CDKAL1: variants seen among roughly 807,000 people sequenced by gnomAD.
CDKAL1 encodes CDKAL1 threonylcarbamoyladenosine tRNA methylthiotransferase.
CDKAL1 carries 32 observed loss-of-function variants against 68.2 expected under a neutral mutation model. The observed-to-expected ratio is 0.47, with a 90% confidence interval of 0.35 to 0.63. CDKAL1 has a LOEUF of 0.63. CDKAL1 is among the 30% of genes least tolerant of loss of function. CDKAL1 has a pLI of 0.00. For synonymous variants in CDKAL1, 234 were observed against 244.3 expected, an observed-to-expected ratio of 0.96 and a Z score of 0.39; for missense variants, 606 against 696.7, an observed-to-expected ratio of 0.87 and a Z score of 1.47.
At chr6:20,718,929 C>T (rs1772217323) in intron 5 of CDKAL1, among the ~76,000 whole-genome samples, 1 of 152,132 alleles carries the variant, frequency 6.6e-6, no homozygotes, top group African/African-American at 2.4e-5. Context: ...CAAATATTTC[C>T]CATCACAATA....
At chr6:20,950,906 G>A (rs1484257973) in intron 9 of CDKAL1, among the ~76,000 whole-genome samples, 1 of 151,562 alleles carries the variant, frequency 6.6e-6, no homozygotes, top group Admixed American at 6.6e-5. Context: ...GGAGGCGGAG[G>A]TTACAGTGAG....
intron 4 of CDKAL1, among the ~76,000 whole-genome samples, chr6:20,637,285 G>A (rs906413130): frequency 6.6e-6 from 1 of 151,922 alleles, no homozygotes; most frequent in Non-Finnish European, 1.5e-5. Context: ...GAGGAAGGCC[G>A]GGCACAGTGG....
At chr6:21,071,018 TCTG>T (rs1771744633) in intron 12 of CDKAL1, among the ~76,000 whole-genome samples, 1 of 152,268 alleles carries the variant, frequency 6.6e-6, no homozygotes, top group African/African-American at 2.4e-5. Context: ...TTGTTTTTAA[TCTG>T]CTGTCAAACC....
At chr6:20,565,681 C>T (rs979709283) in intron 4 of CDKAL1, among the ~76,000 whole-genome samples, 1 of 152,072 alleles carries the variant, frequency 6.6e-6, no homozygotes, top group African/African-American at 2.4e-5. Flanking sequence ...GTTCCAGTAG[C>T]TAAAGACTAT....
intron 9 of CDKAL1, among the ~76,000 whole-genome samples, chr6:20,878,534 G>A (rs1760651258): frequency 6.6e-6 from 1 of 152,050 alleles, no homozygotes; most frequent in Admixed American, 6.5e-5. Context: ...GAGATCAGGA[G>A]TTCAAGACCA....
chr6:21,129,702 A>AT (rs1329097369), intron 13 of CDKAL1, among the ~76,000 whole-genome samples: 1 of 151,026 alleles, frequency 6.6e-6, no homozygotes, highest in Non-Finnish European at 1.5e-5. Flanking sequence ...AAAAAAAAAA[A>AT]AAAGGAAAAA....
At chr6:20,971,331 G>A (rs113358175) in intron 10 of CDKAL1, among the ~76,000 whole-genome samples, 50 of 152,280 alleles carry the variant, frequency 3.3e-4, no homozygotes, top group Non-Finnish European at 6.6e-4. Flanking sequence ...TCACTATGCC[G>A]TGTCACACCA....
chr6:21,061,271 C>A (rs1771127125), intron 11 of CDKAL1, among the ~76,000 whole-genome samples: 1 of 151,976 alleles, frequency 6.6e-6, no homozygotes, highest in Non-Finnish European at 1.5e-5. Flanking sequence ...TTAATAAGCC[C>A]ATTTTGCCAG....
intron 4 of CDKAL1, among the ~76,000 whole-genome samples, chr6:20,635,783 C>T (rs1170898387): frequency 6.6e-6 from 1 of 152,014 alleles, no homozygotes; most frequent in African/African-American, 2.4e-5. Flanking sequence ...AATCAAATTG[C>T]CAAAGACAGA....
rs114428649 is a variant in CDKAL1, at chr6:20,611,928, C to T, written c.287-37365C>T. Among the ~76,000 whole-genome samples the T allele has an allele frequency of 3.0e-3, 451 of 152,250 alleles. 4 individuals carry two copies. Among genetic ancestry groups the T allele is most frequent in the African/African-American group, 0.01 (421 of 41,544 alleles). ...CCTTGGCACATCCCCTTCCCACTTG[C>T]GATATCTATTATTCTATTCTCTACC... On this transcript the variant is annotated intron_variant, in intron 4 of 15. Coordinates refer to ENST00000274695, the MANE Select transcript of CDKAL1 (RefSeq NM_017774.3).
At position 21,087,006 on chromosome 6, in the gene CDKAL1, C is replaced by T. The variant is rs546116642; in HGVS notation, c.1237-21395C>T. Among the ~76,000 whole-genome samples, 4 of 152,280 alleles carry T rather than the reference C, an allele frequency of 2.6e-5. No homozygotes were observed. The East Asian group carries it at 7.7e-4, about 29-fold the overall frequency. On this transcript the variant is annotated intron_variant, in intron 12 of 15. Coordinates refer to ENST00000274695, the MANE Select transcript of CDKAL1 (RefSeq NM_017774.3). ...CAAACCTCTGTAGCCCAATAACTCT[C>T]TTGTTTATTAATTAGTATGATGTTC...
intron 15 of CDKAL1, among the ~76,000 whole-genome samples, chr6:21,221,097 G>A (rs1309027475): frequency 1.3e-5 from 2 of 151,988 alleles, no homozygotes; most frequent in African/African-American, 4.8e-5. Flanking sequence ...AACCCGGGAG[G>A]CGGAGGTTGC....
At chr6:21,009,066 C>T (rs1004781555) in intron 11 of CDKAL1, among the ~76,000 whole-genome samples, 2 of 152,132 alleles carry the variant, frequency 1.3e-5, no homozygotes, top group Admixed American at 1.3e-4. Flanking sequence ...AAGTGGTTTA[C>T]ATGAATTAAC....
chr6:20,748,673 A>C (rs941671586), intron 6 of CDKAL1, among the ~76,000 whole-genome samples: 1 of 150,940 alleles, frequency 6.6e-6, no homozygotes, highest in African/African-American at 2.4e-5. Flanking sequence ...GAGAGCCTAG[A>C]GATAAAGCCA....
chr6:20,972,417 A>C (rs553663755), intron 10 of CDKAL1, among the ~76,000 whole-genome samples: 2 of 152,272 alleles, frequency 1.3e-5, no homozygotes, highest in Admixed American at 6.5e-5. Flanking sequence ...GGCACCAGCT[A>C]TTCTTCTTTT....
chr6:20,561,029 A>C (rs184201024), intron 4 of CDKAL1, among the ~76,000 whole-genome samples: 1 of 152,318 alleles, frequency 6.6e-6, no homozygotes. Context: ...CGTCTCGGCT[A>C]GTTCCTGTGT....
At chr6:21,002,995 A>G (rs897162739) in intron 11 of CDKAL1, among the ~76,000 whole-genome samples, 7 of 151,998 alleles carry the variant, frequency 4.6e-5, no homozygotes, top group African/African-American at 1.7e-4. Context: ...CTCAAAAAAT[A>G]AAAAAGTGAT....
chr6:21,008,285 G>A (rs891209433), intron 11 of CDKAL1, among the ~76,000 whole-genome samples: 1 of 152,150 alleles, frequency 6.6e-6, no homozygotes, highest in African/African-American at 2.4e-5. Flanking sequence ...GAAGTTATAG[G>A]TAATGAGATC....
chr6:20,816,234 TAA>T (rs1176739157), intron 8 of CDKAL1, among the ~76,000 whole-genome samples: 1 of 151,686 alleles, frequency 6.6e-6, no homozygotes, highest in East Asian at 1.9e-4. Flanking sequence ...TGTTTTCAAA[TAA>T]AGTCACATTC....
Sources: gnomAD v4.1 joint callset for allele counts (sites outside exome capture counted in the v4.1 genomes callset) on GRCh38, gnomAD v4.1.1 for gene constraint, MANE v1.5 for transcripts, NCBI Gene and HGNC (gene_info 2026-07-23, HGNC 2026-07-21) for gene names.